ZNF8: variants seen among roughly 807,000 people sequenced by gnomAD.
The protein encoded by ZNF8 is zinc finger protein 272.
In ZNF8, 9 loss-of-function variants were observed where a neutral mutation model predicts 12.2. The ratio of observed to expected loss-of-function variants is 0.73; its 90% CI spans 0.44 to 1.28. The LOEUF (loss-of-function observed/expected upper bound fraction) is 1.28, where lower values mean the gene tolerates loss of function less well. Ranked by LOEUF, ZNF8 falls within the 50% of genes most tolerant of loss-of-function variation. ZNF8 has a pLI of 0.00. For missense variants in ZNF8, 664 were observed against 729.1 expected (o/e 0.91, Z 1.03); for synonymous variants, 274 against 282.3 (o/e 0.97, Z 0.30).
intron 3 of ZNF8, among the ~76,000 whole-genome samples, chr19:58,289,169 G>A (rs11882115): frequency 3.5e-4 from 54 of 152,218 alleles, no homozygotes; most frequent in African/African-American, 1.2e-3. Flanking sequence ...TGTTGCTCCT[G>A]TAACAAAGTA....
chr19:58,290,213 A>C (rs1280308939), intron 3 of ZNF8, among the ~76,000 whole-genome samples: 2 of 137,056 alleles, frequency 1.5e-5, no homozygotes, highest in Non-Finnish European at 3.0e-5. Context: ...TCCCGGGTTC[A>C]CGCCATTCTG....
chr19:58,288,567 G>A (rs553893336), intron 3 of ZNF8, among the ~76,000 whole-genome samples: 1 of 152,310 alleles, frequency 6.6e-6, no homozygotes, highest in Admixed American at 6.5e-5. Context: ...TTGCTAGAGA[G>A]GCTGGAAAGC....
At chr19:58,285,910 G>A in intron 2 of ZNF8, 67 bp downstream of exon 2, 3 of 1,547,810 alleles carry the variant, frequency 1.9e-6, no homozygotes, top group Admixed American at 1.9e-5. Context: ...GGCCTCTGGT[G>A]TGAGGACCTG....
rs115817469 is a variant in ZNF8 at position 58,301,070 on chromosome 19, G to A, written c.*5534G>A. 137 of 152,342 alleles carry A rather than the reference G, an allele frequency of 9.0e-4. No homozygotes were observed. The highest frequency in any genetic ancestry group is 3.2e-3 in the African/African-American group (131 of 41,538). 9.4% of individuals were successfully genotyped at this position (152,342 alleles called of 1,614,324 possible). ...TGCTGCTCACCACCAAATCAGTCTG[G>A]TGCTTCTGAGATTTGGGCTTCAGAC... On this transcript the variant is annotated 3_prime_UTR_variant, in exon 4 of 4. Transcript: ENST00000621650.
rs1382576129 is a variant in ZNF8 at position 58,297,224 on chromosome 19, C to T, written c.*1688C>T. The T allele has an allele frequency of 2.8e-5, 4 of 144,428 alleles. No individual in the cohort carries two copies. Among genetic ancestry groups the T allele is most frequent in the African/African-American group, 1.0e-4 (4 of 39,200 alleles). 8.9% of individuals were successfully genotyped at this position (144,428 alleles called of 1,614,324 possible). A position where few individuals can be genotyped will look rare whatever the true frequency, so the allele number is the denominator to read the frequency against. On this transcript the variant is annotated 3_prime_UTR_variant, in exon 4 of 4. Coordinates refer to ENST00000621650, the MANE Select transcript of ZNF8 (RefSeq NM_021089.3). Reference sequence around the variant, plus strand: ...CTCCAGCCTGGGTGACAGAGCAAGACTCTGTCTCAGAAAAAAAAAAGAAAA... The same window carrying T: ...CTCCAGCCTGGGTGACAGAGCAAGATTCTGTCTCAGAAAAAAAAAAGAAAA...
At position 58,289,294 on chromosome 19, in the gene ZNF8, G is replaced by A. The variant is rs1366839716; in HGVS notation, c.289+3089G>A. On this transcript the variant is annotated intron_variant, in intron 3 of 3. Transcript: ENST00000621650. ...ACGGATCACTTGAGTCCAGGAGTTC[G>A]AGACTAGCCTGGCCAACATGGCACA... Among the ~76,000 whole-genome samples the A allele has an allele frequency of 1.4e-4, 21 of 152,124 alleles. No homozygotes were observed. The East Asian group carries it at 2.3e-3, about 17-fold the overall frequency.
At position 58,294,406 on chromosome 19, in the gene ZNF8, T is replaced by C; in HGVS notation, c.598T>C (p.Leu200=). ...PFPEISRGEY[L]YTYDSQITDS... is the part of the protein sequence containing the mutation. ...CCCAGAGATCTCTAGAGGGGAGTAT[T>C]TGTATACTTACGACTCACAGATTAC... The change falls in exon 4 of 4, where the codon TTG becomes CTG. Residue 200 remains leucine (L), a synonymous_variant. Coordinates refer to ENST00000621650, the MANE Select transcript of ZNF8 (RefSeq NM_021089.3). The surrounding 1 kb of genome is among the most constrained non-coding windows in gnomAD (Gnocchi z 5.5). The C allele has an allele frequency of 1.2e-6, 2 of 1,614,032 alleles. No individual in the cohort carries two copies. Among genetic ancestry groups the C allele is most frequent in the Non-Finnish European group, 1.7e-6 (2 of 1,180,022 alleles).
At chr19:58,293,353 T>TA (rs1360479475) in intron 3 of ZNF8, among the ~76,000 whole-genome samples, 1 of 152,208 alleles carries the variant, frequency 6.6e-6, no homozygotes, top group Non-Finnish European at 1.5e-5. Context: ...ATTCCCTCGA[T>TA]ACGTTCCTTC....
chr19:58,283,671 C>T (rs186711499), intron 1 of ZNF8, among the ~76,000 whole-genome samples: 1 of 146,788 alleles, frequency 6.8e-6, no homozygotes, highest in Admixed American at 7.0e-5. Context: ...GCAATCTTGA[C>T]TCACTGCAAG....
At chr19:58,288,597 A>G (rs956429679) in intron 3 of ZNF8, among the ~76,000 whole-genome samples, 1 of 152,188 alleles carries the variant, frequency 6.6e-6, no homozygotes, top group Non-Finnish European at 1.5e-5. Flanking sequence ...CTAGATTGTC[A>G]TAATTGGCTT....
chr19:58,285,072 C>T lies in ZNF8; in HGVS notation c.67-645C>T, dbSNP rs532995539. Among the ~76,000 whole-genome samples, 4 of 152,088 alleles carry T rather than the reference C, an allele frequency of 2.6e-5. No homozygotes were observed. The South Asian group carries it at 8.3e-4, about 32-fold the overall frequency. ...AACTGGCCCACTTCTGTCATGTGAG[C>T]CTGCCTTGCCCTGAAAGCAGGCGAA... On this transcript the variant is annotated intron_variant, in intron 1 of 3. Transcript: ENST00000621650.
intron 3 of ZNF8, 24 bp downstream of exon 3, chr19:58,286,229 A>G: frequency 3.7e-6 from 6 of 1,603,548 alleles, no homozygotes; most frequent in Non-Finnish European, 5.1e-6. Flanking sequence ...ATGTGGGAGC[A>G]GCTAATGGGA....
At position 58,295,502 on chromosome 19, in the gene ZNF8, C is replaced by T. The variant is rs1346191782; in HGVS notation, c.1694C>T (p.Ala565Val). Residue 565 changes from alanine (A) to valine (V), a missense_variant, in exon 4 of 4, where the codon GCT (alanine) becomes GTT (valine). Around this residue, in one of 3 missense-constraint regions of ZNF8, gnomAD observed 225 missense variants for 222.0 expected, o/e 1.01. Coordinates refer to ENST00000621650, the MANE Select transcript of ZNF8 (RefSeq NM_021089.3). ...VIGVEEPSVG[A>V]SMLFDIREST ...GGGGTGGAAGAGCCTTCTGTGGGTGCTTCCATGTTATTTGACATCAGAGAA... is the reference window on the plus strand; with the variant it reads ...GGGGTGGAAGAGCCTTCTGTGGGTGTTTCCATGTTATTTGACATCAGAGAA... 5 of 1,606,356 alleles carry T rather than the reference C, an allele frequency of 3.1e-6. No individual in the cohort carries two copies. Among genetic ancestry groups the T allele is most frequent in the Non-Finnish European group, 3.4e-6 (4 of 1,176,572 alleles).
rs1260454835 is a variant in ZNF8 at position 58,302,259 on chromosome 19, C to A, written c.*6723C>A. On this transcript the variant is annotated 3_prime_UTR_variant, in exon 4 of 4. Coordinates refer to ENST00000621650, the MANE Select transcript of ZNF8 (RefSeq NM_021089.3). ...TCTGTTCATAAAAGTAATGCGAGTT[C>A]TTTGTAGCAAAACTTGGAAAATGCA... 1 of 151,964 alleles carries A rather than the reference C, an allele frequency of 6.6e-6. No individual in the cohort carries two copies. Among genetic ancestry groups the A allele is most frequent in the East Asian group, 1.9e-4 (1 of 5,188 alleles). 9.4% of individuals were successfully genotyped at this position (151,964 alleles called of 1,614,324 possible).
intron 3 of ZNF8, among the ~76,000 whole-genome samples, chr19:58,288,146 C>T (rs2051396292): frequency 6.6e-6 from 1 of 151,962 alleles, no homozygotes; most frequent in African/African-American, 2.4e-5. Context: ...AGGTGTGAGC[C>T]ACTGTACCTG....
rs1186799828 is a variant in ZNF8 at position 58,279,118 on chromosome 19, T to C, written c.37T>C (p.Ser13Pro). The change falls in exon 1 of 4, where the codon TCT becomes CCT. Residue 13 changes from serine (S) to proline (P), a missense_variant. By Grantham distance (74) the Ser-to-Pro change is moderately conservative (BLOSUM62 -1). Around this residue, in one of 3 missense-constraint regions of ZNF8, gnomAD observed 306 missense variants for 308.7 expected, o/e 0.99. Transcript: ENST00000621650. ...PEDEGVAGVM[S>P]VGPPAARLQE... ...GGACGAAGGGGTAGCGGGAGTGATG[T>C]CTGTGGGGCCGCCGGCGGCCCGGCT... 1.3e-6 allele frequency: 2 copies of C among 1,560,454 alleles called. No individual in the cohort carries two copies. Among genetic ancestry groups the C allele is most frequent in the Non-Finnish European group, 1.7e-6 (2 of 1,151,194 alleles).
chr19:58,286,026 C>A, intron 2 of ZNF8, 84 bp from the exon 3 acceptor site: 1 of 1,481,848 alleles, frequency 6.7e-7, no homozygotes, highest in Non-Finnish European at 9.3e-7. Context: ...CGTGTCCTCA[C>A]AGTCGGGAGT....
Position 58,294,827 on chromosome 19 carries a change from C to G in ZNF8, c.1019C>G (p.Pro340Arg). 1 of 1,614,174 alleles carries G rather than the reference C, an allele frequency of 6.2e-7. No individual in the cohort carries two copies. The highest frequency in any genetic ancestry group is 8.5e-7 in the Non-Finnish European group (1 of 1,180,038). ...CGGAGGATTCACACTGGGGAGAAGC[C>G]CTATGAGTGTCAGGACTGTGGGAGG... ...VHRRIHTGEKPYECQDCGRAF... is the reference protein window; with the variant it reads ...VHRRIHTGEKRYECQDCGRAF... Residue 340 changes from proline to arginine, a missense_variant, in exon 4 of 4, where the codon CCC becomes CGC. Transcript: ENST00000621650. The surrounding 1 kb of genome is among the most constrained non-coding windows in gnomAD (Gnocchi z 5.5).
chr19:58,286,287 T>G (rs1237217758), intron 3 of ZNF8, 82 bp downstream of exon 3: 2 of 1,286,240 alleles, frequency 1.6e-6, no homozygotes. Context: ...AGGGTGGTGG[T>G]TGGTGGTCCT....
Sources: allele counts gnomAD v4.1 joint callset (sites outside exome capture counted in the v4.1 genomes callset), GRCh38; gene constraint gnomAD v4.1.1; regional missense constraint gnomAD v4.1.1; non-coding constraint Gnocchi (gnomAD v3.1); transcripts MANE v1.5; gene names NCBI Gene and HGNC (gene_info 2026-07-23, HGNC 2026-07-21).